KIR3DL1: variants seen among roughly 807,000 people sequenced by gnomAD.
KIR3DL1 encodes the protein killer cell immunoglobulin like receptor, three Ig domains and long cytoplasmic tail 1, also known as killer cell immunoglobulin-like receptor 3DL1.
A neutral mutation model predicts 40.3 loss-of-function variants in KIR3DL1; 50 were observed. That is an observed-to-expected ratio of 1.24 (90% CI 0.99 to 1.57). The LOEUF is 1.57. KIR3DL1 is among the 40% of genes most tolerant of loss of function. The pLI, the probability that KIR3DL1 is intolerant of heterozygous loss-of-function variation, is 0.00. For synonymous variants in KIR3DL1, 257 were observed against 207.2 expected (o/e 1.24, Z -2.07); for missense variants, 661 against 559.9 (o/e 1.18, Z -1.82).
At chr19:54,820,711 T>C (rs530072646) in intron 4 of KIR3DL1, among the ~76,000 whole-genome samples, 5 of 149,256 alleles carry the variant, frequency 3.3e-5, no homozygotes, top group South Asian at 2.2e-4. Flanking sequence ...CACAGACACA[T>C]AAAAAGAAAG....
chr19:54,828,776 C>T lies in KIR3DL1; in HGVS notation c.1001-585C>T, dbSNP rs191766008. The stretch of plus-strand genomic sequence containing the variant: ...AGGAACACTTGAGCCTGGGTAACTT[C>T]TAAAGAAGAGATTGGTTTGCCTCAC... On this transcript the variant is annotated intron_variant, in intron 6 of 8. Coordinates refer to ENST00000391728, the Ensembl canonical transcript of KIR3DL1. 2.1e-5 allele frequency among the ~76,000 whole-genome samples: 3 copies of T among 142,058 alleles called. No individual in the cohort carries two copies. In the East Asian group the frequency reaches 6.2e-4, roughly 29 times the overall value. 93.2% of individuals were successfully genotyped at this position (142,058 alleles called of 152,430 possible).
At chr19:54,816,615 G>A (rs532031437) in intron 1 of KIR3DL1, 81 bp downstream of exon 1, 1 of 1,535,560 alleles carries the variant, frequency 6.5e-7, no homozygotes, top group Non-Finnish European at 8.9e-7. Context: ...GCCTAGAGGT[G>A]GAGTTATGGG....
intron 3 of KIR3DL1, among the ~76,000 whole-genome samples, chr19:54,819,173 T>A (rs1189431393): frequency 6.6e-6 from 1 of 150,544 alleles, no homozygotes. Flanking sequence ...GTGGAAGGGG[T>A]CAGTGTGTTC....
At chr19:54,825,263 A>T (rs2916038) in intron 6 of KIR3DL1, among the ~76,000 whole-genome samples, 185 bp downstream of exon 6, 30 of 150,074 alleles carry the variant, frequency 2.0e-4, no homozygotes, top group Non-Finnish European at 3.1e-4. Flanking sequence ...GAAGTCTCTT[A>T]ACCTTTAATG....
At position 54,830,184 on chromosome 19, in the gene KIR3DL1, C is replaced by T; in HGVS notation, c.1244C>T (p.Ser415Phe). The T allele has an allele frequency of 1.3e-6, 2 of 1,524,658 alleles. No individual in the cohort carries two copies. Among genetic ancestry groups the T allele is most frequent in the Non-Finnish European group, 1.8e-6 (2 of 1,122,948 alleles). 94.4% of individuals were successfully genotyped at this position (1,524,658 alleles called of 1,614,324 possible). A position where few individuals can be genotyped will look rare whatever the true frequency, so the allele number is the denominator to read the frequency against. Reference sequence around the variant, plus strand: ...ACACAGAGAAAAATCACTCGCCCTTCTCAGAGGCCCAAGACACCCCCTACA... The same window carrying T: ...ACACAGAGAAAAATCACTCGCCCTTTTCAGAGGCCCAAGACACCCCCTACA... The change falls in exon 9 of 9, where the codon TCT (serine) becomes TTT (phenylalanine). Residue 415 changes from serine (S) to phenylalanine (F), a missense_variant. Transcript: ENST00000391728.
At chr19:54,827,399 T>C (rs2061958222) in intron 6 of KIR3DL1, among the ~76,000 whole-genome samples, 1 of 150,394 alleles carries the variant, frequency 6.6e-6, no homozygotes, top group East Asian at 1.9e-4. Context: ...GAGACCAGCC[T>C]GGCCAACATG....
intron 6 of KIR3DL1, among the ~76,000 whole-genome samples, chr19:54,826,444 A>G (rs1359833464): frequency 6.9e-6 from 1 of 145,846 alleles, no homozygotes; most frequent in Non-Finnish European, 1.5e-5. Context: ...CCTCTCGAGT[A>G]GCTGGGATTA....
At chr19:54,818,372 G>A (rs2148070200) in exon 3 of KIR3DL1, 5 of 1,606,328 alleles carry the variant, frequency 3.1e-6, no homozygotes, top group East Asian at 2.2e-5. Context: ...CCTCGAGGAG[G>A]ACACGTGACT....
At chr19:54,817,541 C>T (rs2148060381) in exon 2 of KIR3DL1, 1 of 1,512,166 alleles carries the variant, frequency 6.6e-7, no homozygotes, top group Non-Finnish European at 9.0e-7. Context: ...TAGGGTTGTT[C>T]TTGGTCCAGA....
intron 6 of KIR3DL1, among the ~76,000 whole-genome samples, chr19:54,826,752 CCA>C (rs1168695057): frequency 0.092 from 9,588 of 104,566 alleles, 3 homozygotes; most frequent in Non-Finnish European, 0.12. Flanking sequence ...GAAGGATTTT[CCA>C]CACACAGCTG....
chr19:54,823,108 C>T (rs1270693468), intron 5 of KIR3DL1, among the ~76,000 whole-genome samples: 1 of 150,436 alleles, frequency 6.6e-6, no homozygotes, highest in African/African-American at 2.5e-5. Context: ...GATCTTGGCT[C>T]ATTGCAACCT....
intron 4 of KIR3DL1, among the ~76,000 whole-genome samples, chr19:54,820,649 G>T (rs57311277): frequency 1.3e-5 from 2 of 150,736 alleles, no homozygotes; most frequent in African/African-American, 4.9e-5. Context: ...ACACCAAAAA[G>T]CAAAGACATA....
chr19:54,819,764 C>G lies in KIR3DL1; in HGVS notation c.407C>G (p.Ser136Ter). 1 of 1,610,700 alleles carries G rather than the reference C, an allele frequency of 6.2e-7. No homozygotes were observed. Among genetic ancestry groups the G allele is most frequent in the Non-Finnish European group, 8.5e-7 (1 of 1,178,594 alleles). Residue 136 changes from serine to a stop codon, truncating the protein, a stop_gained, in exon 4 of 9, where the codon TCA becomes TGA. Transcript: ENST00000391728. LOFTEE classifies it high-confidence loss of function. ...GCCCACCCAGGTCCCCTGGTGAAAT[C>G]AGGAGAGAGAGTCATCCTGCAATGT...
At chr19:54,821,260 C>T (rs1270261315) in intron 4 of KIR3DL1, among the ~76,000 whole-genome samples, 6 of 150,592 alleles carry the variant, frequency 4.0e-5, no homozygotes, top group South Asian at 4.3e-4. Flanking sequence ...ATGAACAAGA[C>T]AGAAAGTGAG....
chr19:54,824,978 A>T, intron 5 of KIR3DL1, 50 bp from the exon 6 acceptor site: 1 of 1,261,720 alleles, frequency 7.9e-7, no homozygotes, highest in Non-Finnish European at 1.2e-6. Context: ...TCCATTGAGT[A>T]GAGGACAAGC....
intron 3 of KIR3DL1, among the ~76,000 whole-genome samples, chr19:54,818,880 G>A (rs534651311): frequency 6.6e-6 from 1 of 150,852 alleles, no homozygotes; most frequent in East Asian, 1.9e-4. Flanking sequence ...GAGATGGGGA[G>A]ACAGCCTGGA....
exon 2 of KIR3DL1, chr19:54,817,569 G>A (rs771479566): frequency 5.3e-6 from 8 of 1,508,000 alleles, no homozygotes; most frequent in Admixed American, 1.8e-5. Context: ...TCCACACATG[G>A]GTGAGTCCTT....
chr19:54,819,954 T>A lies in KIR3DL1; in HGVS notation c.597T>A (p.Val199=), dbSNP rs1314678634. The A allele has an allele frequency of 8.5e-5, 137 of 1,611,842 alleles. 12 individuals are homozygous for A. In the South Asian group the frequency reaches 1.4e-3, roughly 17 times the overall value. ...GGACCTACAGATGCTACGGTTCTGT[T>A]ACTCACACCCCCTATCAGTTGTCAG... Residue 199 remains valine (V), a synonymous_variant, in exon 4 of 9, where the codon GTT becomes GTA. Coordinates refer to ENST00000391728, the Ensembl canonical transcript of KIR3DL1.
chr19:54,821,195 G>C (rs2061615086), intron 4 of KIR3DL1, among the ~76,000 whole-genome samples: 1 of 136,730 alleles, frequency 7.3e-6, no homozygotes, highest in African/African-American at 2.5e-5. Context: ...ATAGATGATA[G>C]ATAATTTGTA....
Sources: gnomAD v4.1 joint callset for allele counts (sites outside exome capture counted in the v4.1 genomes callset) on GRCh38, gnomAD v4.1.1 for gene constraint, MANE v1.5 for transcripts, NCBI Gene and HGNC (gene_info 2026-07-23, HGNC 2026-07-21) for gene names.